Variants in SLFNL1 observed in about 807,000 individuals in gnomAD.
SLFNL1 encodes schlafen like 1, also known as schlafen-like protein 1.
In SLFNL1, 26 loss-of-function variants were observed where a neutral mutation model predicts 32.5. The observed-to-expected ratio is 0.80, with a 90% CI of 0.59 to 1.11. SLFNL1 has a LOEUF of 1.11. Among genes scored for constraint, SLFNL1 ranks in the 50% least tolerant of loss-of-function variants. SLFNL1 has a pLI of 0.00. For synonymous variants in SLFNL1, 255 were observed against 242.2 expected (o/e 1.05, Z -0.49); for missense variants, 553 against 546.5 (o/e 1.01, Z -0.12).
At position 41,017,273 on chromosome 1, in the gene SLFNL1, G is replaced by T. The variant is rs1368768092; in HGVS notation, c.1062C>A (p.Gly354=). 6.2e-7 allele frequency: 1 copy of T among 1,606,358 alleles called. No individual in the cohort carries two copies. The highest frequency in any genetic ancestry group is 1.1e-5 in the South Asian group (1 of 89,890). Residue 354 remains glycine (G), a synonymous_variant, in exon 5 of 6, where the codon GGC becomes GGA. Coordinates refer to ENST00000302946, the MANE Select transcript of SLFNL1 (RefSeq NM_144990.4). This position sits in a 1 kb window ranked among gnomAD's most constrained non-coding sequence, Gnocchi z 4.9. Reference sequence around the variant, plus strand: ...CCTGGATGGCGCTGGCAGACAGCGGGCCCTGGATGCTCCCGTCGCGCCGCA... The same window carrying T: ...CCTGGATGGCGCTGGCAGACAGCGGTCCCTGGATGCTCCCGTCGCGCCGCA... ...VFLRRDGSIQ[G]PLSASAIQEW...
chr1:41,018,815 T>C (rs1463432587), intron 3 of SLFNL1, among the ~76,000 whole-genome samples: 1 of 148,758 alleles, frequency 6.7e-6, no homozygotes, highest in Non-Finnish European at 1.5e-5. Flanking sequence ...CACCCTTTCA[T>C]GTCAACCCTC....
intron 5 of SLFNL1, 160 bp from the exon 6 acceptor site, chr1:41,016,388 A>T: frequency 8.8e-7 from 1 of 1,133,756 alleles, no homozygotes; most frequent in African/African-American, 1.6e-5. Context: ...TGCCACCTTC[A>T]ACCGTGTCAG....
chr1:41,020,778 C>T lies in SLFNL1; in HGVS notation c.-118G>A. 1 of 910,854 alleles carries T rather than the reference C, an allele frequency of 1.1e-6. No individual in the cohort carries two copies. The highest frequency in any genetic ancestry group is 1.6e-6 in the Non-Finnish European group (1 of 609,656). 56.4% of individuals were successfully genotyped at this position (910,854 alleles called of 1,614,324 possible). A position where few individuals can be genotyped will look rare whatever the true frequency, so the allele number is the denominator to read the frequency against. ...AGAGGACTCAGGGAGTGTCCCGGCT[C>T]CTGGGAGGTACACAGATTGGCAGAG... On this transcript the variant is annotated splice_region_variant and 5_prime_UTR_variant, in exon 3 of 6. Coordinates refer to ENST00000302946, the MANE Select transcript of SLFNL1 (RefSeq NM_144990.4).
rs1447855594 is a variant in SLFNL1 at position 41,016,248 on chromosome 1, G to A, written c.1102-20C>T. ...CCACCTCTGAGGGGACATGGGAAAA[G>A]CATGTGGCCAAGCCCGCCTGGTCTC... On this transcript the variant is annotated intron_variant, in intron 5 of 5. Transcript: ENST00000302946. The A allele has an allele frequency of 6.2e-7, 1 of 1,613,310 alleles. No homozygotes were observed. The highest frequency in any genetic ancestry group is 1.3e-5 in the African/African-American group (1 of 75,040).
chr1:41,021,685 C>T lies in SLFNL1; in HGVS notation c.-188G>A, dbSNP rs114840265. Reference sequence around the variant, plus strand: ...TGCCTGCCCTGAGCTCCCATAGCCTCCCGACCCCTGGCCGGTAGCTCTCAG... The same window carrying T: ...TGCCTGCCCTGAGCTCCCATAGCCTTCCGACCCCTGGCCGGTAGCTCTCAG... On this transcript the variant is annotated 5_prime_UTR_variant, in exon 1 of 6. Transcript: ENST00000302946. The T allele has an allele frequency of 6.6e-6, 1 of 152,262 alleles. No individual in the cohort carries two copies. The highest frequency in any genetic ancestry group is 1.9e-4 in the East Asian group (1 of 5,166). 9.4% of individuals were successfully genotyped at this position (152,262 alleles called of 1,614,324 possible). A position where few individuals can be genotyped will look rare whatever the true frequency, so the allele number is the denominator to read the frequency against.
chr1:41,017,746 G>T lies in SLFNL1; in HGVS notation c.846C>A (p.Arg282=), dbSNP rs755835817. 2 of 1,607,382 alleles carry T rather than the reference G, an allele frequency of 1.2e-6. No homozygotes were observed. The highest frequency in any genetic ancestry group is 3.4e-5 in the Admixed American group (2 of 59,680). ...CCTGCAGGATGGAGTCCACCAGCAG[G>T]CGTGCGCGGTCCTCGTCACGGTGGC... The part of the protein sequence containing the change: ...RCSHRDEDRA[R]LLVDSILQGF... Residue 282 remains arginine (R), a synonymous_variant, in exon 4 of 6, where the codon CGC becomes CGA. Coordinates refer to ENST00000302946, the MANE Select transcript of SLFNL1 (RefSeq NM_144990.4). This position sits in a 1 kb window ranked among gnomAD's most constrained non-coding sequence, Gnocchi z 4.9.
At position 41,017,176 on chromosome 1, in the gene SLFNL1, C is replaced by T. The variant is rs1278781133; in HGVS notation, c.1101+58G>A. On this transcript the variant is annotated intron_variant, in intron 5 of 5. Coordinates refer to ENST00000302946, the MANE Select transcript of SLFNL1 (RefSeq NM_144990.4). The surrounding 1 kb of genome is among the most constrained non-coding windows in gnomAD (Gnocchi z 4.9). ...TTGCCCTGGGCTGCTCAGTGGGTGG[C>T]TGAAGGGGTCTGGGGTCAGCTCCGC... 5 of 1,500,206 alleles carry T rather than the reference C, an allele frequency of 3.3e-6. No individual in the cohort carries two copies. Among genetic ancestry groups the T allele is most frequent in the Non-Finnish European group, 4.4e-6 (5 of 1,127,116 alleles). The allele number at this position is 1,500,206 out of a possible 1,614,324, so 92.9% of individuals were successfully genotyped here.
chr1:41,020,928 C>CA (rs34845599), intron 1 of SLFNL1, 58 bp from the exon 2 acceptor site: 14 of 451,364 alleles, frequency 3.1e-5, no homozygotes, highest in Non-Finnish European at 4.4e-5. Context: ...TGTGGGAAGA[C>CA]GGGATCTGCC....
At position 41,016,023 on chromosome 1, in the gene SLFNL1, AC is replaced by A. The variant is rs1643292512; in HGVS notation, c.*82del. The A allele has an allele frequency of 6.6e-7, 1 of 1,520,744 alleles. No homozygotes were observed. The highest frequency in any genetic ancestry group is 1.3e-5 in the South Asian group (1 of 78,040). The allele number at this position is 1,520,744 out of a possible 1,614,324, so 94.2% of individuals were successfully genotyped here. ...CCTCTCAGCAGCCCGCATGGGCTTT[AC>A]TGGTTGGCCTTACACTCAAACAGGA... On this transcript the variant is annotated 3_prime_UTR_variant, in exon 6 of 6. Transcript: ENST00000302946.
intron 3 of SLFNL1, 59 bp downstream of exon 3, chr1:41,020,167 C>T: frequency 6.6e-7 from 1 of 1,511,826 alleles, no homozygotes; most frequent in East Asian, 2.3e-5. Flanking sequence ...GCCACTCCCA[C>T]TCAGAGGCTC....
Position 41,017,229 on chromosome 1 carries a change from C to G in SLFNL1, c.1101+5G>C, listed in dbSNP as rs141445707. On this transcript the variant is annotated splice_donor_5th_base_variant and intron_variant, in intron 5 of 5. Transcript: ENST00000302946. This position sits in a 1 kb window ranked among gnomAD's most constrained non-coding sequence, Gnocchi z 4.9. ...CACCCCACCCACTGGCCTCAGCTTCCGTACCTGCCTGCACCACTCCTGGAT... is the reference window on the plus strand; with the variant it reads ...CACCCCACCCACTGGCCTCAGCTTCGGTACCTGCCTGCACCACTCCTGGAT... The G allele has an allele frequency of 3.2e-6, 5 of 1,558,466 alleles. No homozygotes were observed. In the African/African-American group the frequency reaches 5.4e-5, roughly 17 times the overall value.
Position 41,020,285 on chromosome 1 carries a change from C to T in SLFNL1, c.376G>A (p.Ala126Thr), listed in dbSNP as rs926044557. ...AATAGCAGGTCCTTCCCACGGGCTGCCAGCTCCTTGAGGATTAGGTGCTCC... is the reference window on the plus strand; with the variant it reads ...AATAGCAGGTCCTTCCCACGGGCTGTCAGCTCCTTGAGGATTAGGTGCTCC... ...LEEHLILKEL[A>T]ARGKDLLLSE... The change falls in exon 3 of 6, where the codon GCA becomes ACA. Residue 126 changes from alanine (A) to threonine (T), a missense_variant. Transcript: ENST00000302946. 1.9e-6 allele frequency: 3 copies of T among 1,612,838 alleles called. No homozygotes were observed. The highest frequency in any genetic ancestry group is 1.1e-5 in the South Asian group (1 of 91,004).
At position 41,015,985 on chromosome 1, in the gene SLFNL1, G is replaced by T; in HGVS notation, c.*121C>A. On this transcript the variant is annotated 3_prime_UTR_variant, in exon 6 of 6. Transcript: ENST00000302946. ...TGCCTGCTCATGTGCCATGTTGAAG[G>T]AGTCCCTGTCCGCCTCTCAGCAGCC... 1 of 1,348,822 alleles carries T rather than the reference G, an allele frequency of 7.4e-7. No homozygotes were observed. Among genetic ancestry groups the T allele is most frequent in the Non-Finnish European group, 1.0e-6 (1 of 999,020 alleles). 83.6% of individuals were successfully genotyped at this position (1,348,822 alleles called of 1,614,324 possible).
Position 41,017,430 on chromosome 1 carries a change from C to A in SLFNL1, c.958-53G>T, listed in dbSNP as rs1048618273. ...GGCGCCGCCCCTCACGGTCGGCAGC[C>A]CCCATCCTGCCAGGCTGCTCAGCAT... On this transcript the variant is annotated intron_variant, in intron 4 of 5. Transcript: ENST00000302946. The surrounding 1 kb of genome is among the most constrained non-coding windows in gnomAD (Gnocchi z 4.9). 6.3e-7 allele frequency: 1 copy of A among 1,583,692 alleles called. No homozygotes were observed. The highest frequency in any genetic ancestry group is 1.3e-5 in the African/African-American group (1 of 74,472).
chr1:41,016,214 C>T lies in SLFNL1; in HGVS notation c.1116G>A (p.Glu372=), dbSNP rs372833325. The change falls in exon 6 of 6, where the codon GAG becomes GAA. Residue 372 remains glutamate (E), a synonymous_variant. Transcript: ENST00000302946. ...TCATCTTCTCTTCCAGCTTGCCCAG[C>T]TCCACCAGCCACCTCTGAGGGGACA... The part of the protein sequence containing the change: ...QEWCRQRWLV[E]LGKLEEKMKA... 8 of 1,614,036 alleles carry T rather than the reference C, an allele frequency of 5.0e-6. No homozygotes were observed. The highest frequency in any genetic ancestry group is 2.2e-5 in the South Asian group (2 of 91,064).
In SLFNL1 at chr1:41,015,822, A is replaced by G. The variant is rs1039677078; in HGVS notation, c.*284T>C. The stretch of plus-strand genomic sequence containing the variant: ...AATGAGCATTTTAGGGAGAAGGACA[A>G]TCCCTTATAGCTTAGCCCTAGGGGA... On this transcript the variant is annotated 3_prime_UTR_variant, in exon 6 of 6. Transcript: ENST00000302946. 1.1e-5 allele frequency: 3 copies of G among 272,748 alleles called. No homozygotes were observed. The highest frequency in any genetic ancestry group is 1.2e-4 in the South Asian group (1 of 8,244). 16.9% of individuals were successfully genotyped at this position (272,748 alleles called of 1,614,324 possible). A position where few individuals can be genotyped will look rare whatever the true frequency, so the allele number is the denominator to read the frequency against.
At chr1:41,020,958 C>T (rs1211245281) in intron 1 of SLFNL1, 88 bp from the exon 2 acceptor site, 2 of 382,344 alleles carry the variant, frequency 5.2e-6, no homozygotes, top group African/African-American at 4.0e-5. Flanking sequence ...GCAGAAGGGA[C>T]CAGAACTCAG....
At position 41,017,191 on chromosome 1, in the gene SLFNL1, GT is replaced by G; in HGVS notation, c.1101+42del. ...CAGTGGGTGGCTGAAGGGGTCTGGG[GT>G]CAGCTCCGCTCCACCCCACCCACTG... On this transcript the variant is annotated intron_variant, in intron 5 of 5. Transcript: ENST00000302946. This position sits in a 1 kb window ranked among gnomAD's most constrained non-coding sequence, Gnocchi z 4.9. 2.0e-6 allele frequency: 3 copies of G among 1,518,730 alleles called. No individual in the cohort carries two copies. The highest frequency in any genetic ancestry group is 2.6e-6 in the Non-Finnish European group (3 of 1,136,508). 94.1% of individuals were successfully genotyped at this position (1,518,730 alleles called of 1,614,324 possible).
In SLFNL1 at chr1:41,016,184, C is replaced by T. The variant is rs201980070; in HGVS notation, c.1146G>A (p.Ala382=). 47 of 1,614,160 alleles carry T rather than the reference C, an allele frequency of 2.9e-5. No homozygotes were observed. Among genetic ancestry groups the T allele is most frequent in the Admixed American group, 2.5e-4 (15 of 60,020 alleles). Residue 382 remains alanine, a synonymous_variant, in exon 6 of 6, where the codon GCG becomes GCA. Coordinates refer to ENST00000302946, the MANE Select transcript of SLFNL1 (RefSeq NM_144990.4). ...GGAGCTGCTCCTTCTCCATCATCAG[C>T]GCCTTCATCTTCTCTTCCAGCTTGC... ...ELGKLEEKMK[A]LMMEKEQLQQ...
Sources: gnomAD v4.1 joint callset for allele counts (sites outside exome capture counted in the v4.1 genomes callset) on GRCh38, gnomAD v4.1.1 for gene constraint, Gnocchi (gnomAD v3.1) non-coding constraint, MANE v1.5 for transcripts, NCBI Gene and HGNC (gene_info 2026-07-23, HGNC 2026-07-21) for gene names.